Variants in MAPRE2 observed in about 807,000 individuals in gnomAD.
MAPRE2 encodes the protein microtubule associated protein RP/EB family member 2.
A neutral mutation model predicts 43.2 loss-of-function variants in MAPRE2; 13 were observed. The ratio of observed to expected loss-of-function variants is 0.30; its 90% CI spans 0.20 to 0.48. The LOEUF (loss-of-function observed/expected upper bound fraction) is 0.48. MAPRE2 is among the 20% of genes least tolerant of loss of function. The probability of loss-of-function intolerance (pLI) is 0.99; values close to 1 mark genes in which losing one functional copy is unlikely to be tolerated. For missense variants in MAPRE2, 161 were observed against 400.2 expected (o/e 0.40, Z 5.10); for synonymous variants, 135 against 148.8 (o/e 0.91, Z 0.68).
chr18:34,978,661 T>A lies in MAPRE2; in HGVS notation c.-70+1582T>A, dbSNP rs1603385149. On this transcript the variant is annotated intron_variant, in intron 1 of 7. Coordinates refer to the MAPRE2 transcript ENST00000413393. The stretch of plus-strand genomic sequence containing the variant: ...GCCAGTGTCCCCTCTGGAAATGAAA[T>A]GCTTCCTTACTTTGCTTTCGTTCTT... 6.9e-6 allele frequency: 6 copies of A among 866,652 alleles called. No individual in the cohort carries two copies. The East Asian group carries it at 1.6e-4, about 23-fold the overall frequency. 53.7% of individuals were successfully genotyped at this position (866,652 alleles called of 1,614,324 possible). A position where few individuals can be genotyped will look rare whatever the true frequency, so the allele number is the denominator to read the frequency against.
chr18:35,043,721 G>C (rs1905479315), intron 1 of MAPRE2, among the ~76,000 whole-genome samples: 1 of 152,184 alleles, frequency 6.6e-6, no homozygotes, highest in South Asian at 2.1e-4. Context: ...TATAGCGAGA[G>C]GTGTCATAGG....
intron 1 of MAPRE2, among the ~76,000 whole-genome samples, chr18:35,003,363 T>C (rs930887055): frequency 1.3e-5 from 2 of 152,242 alleles, no homozygotes; most frequent in Admixed American, 1.3e-4. Context: ...TCTGCCAGAC[T>C]CAATTAAAAT....
chr18:35,129,675 G>C (rs553976144), intron 5 of MAPRE2, among the ~76,000 whole-genome samples: 1 of 152,326 alleles, frequency 6.6e-6, no homozygotes, highest in African/African-American at 2.4e-5. Flanking sequence ...CGCGGGTGGG[G>C]CCACGGATGG....
At chr18:35,089,216 G>C (rs890226784) in intron 2 of MAPRE2, among the ~76,000 whole-genome samples, 1 of 152,160 alleles carries the variant, frequency 6.6e-6, no homozygotes, top group South Asian at 2.1e-4. Flanking sequence ...CTCAAAGAAC[G>C]TGAGGTATAA....
chr18:35,049,419 C>T (rs927614874), intron 1 of MAPRE2, among the ~76,000 whole-genome samples: 5 of 152,204 alleles, frequency 3.3e-5, no homozygotes, highest in African/African-American at 1.2e-4. Context: ...GGGTTTTACA[C>T]AATTATTGTT....
At chr18:35,042,204 G>C (rs523232) in intron 1 of MAPRE2, among the ~76,000 whole-genome samples, 16,451 of 152,192 alleles carry the variant, frequency 0.11, 1,095 homozygotes, top group African/African-American at 0.19. Context: ...CAGCAGAGGT[G>C]ATAGTGTCAG....
chr18:35,023,176 C>T (rs2097042975), intron 2 of MAPRE2, among the ~76,000 whole-genome samples: 1 of 152,084 alleles, frequency 6.6e-6, no homozygotes, highest in African/African-American at 2.4e-5. Context: ...TCATATTATA[C>T]ATTCTGTTCC....
chr18:35,000,334 A>G (rs1208665051), intron 1 of MAPRE2, among the ~76,000 whole-genome samples: 15 of 152,250 alleles, frequency 9.9e-5, no homozygotes, highest in Non-Finnish European at 8.8e-5. Flanking sequence ...GGTTAAACAC[A>G]TAGCAATGAA....
chr18:35,072,102 A>G (rs141156556), intron 2 of MAPRE2, among the ~76,000 whole-genome samples: 2 of 152,364 alleles, frequency 1.3e-5, no homozygotes, highest in East Asian at 1.9e-4. Flanking sequence ...TCAGATCTCT[A>G]CATACCCAAA....
chr18:35,062,300 C>T (rs764379311), intron 1 of MAPRE2, among the ~76,000 whole-genome samples: 17 of 152,138 alleles, frequency 1.1e-4, no homozygotes, highest in Non-Finnish European at 1.5e-4. Context: ...CATGAATGTA[C>T]AATTTGCAGG....
intron 1 of MAPRE2, among the ~76,000 whole-genome samples, chr18:35,058,408 A>G (rs1046341786): frequency 6.6e-6 from 1 of 151,138 alleles, no homozygotes. Flanking sequence ...AGGCTTGTCT[A>G]TTTTTTTTTA....
chr18:35,140,269 A>C (rs1178019312), intron 6 of MAPRE2, 26 bp from the exon 7 acceptor site: 1 of 1,606,248 alleles, frequency 6.2e-7, no homozygotes. Context: ...CAATTATCTC[A>C]GCTGAAACTT....
At chr18:35,118,240 C>T (rs1020376458) in intron 4 of MAPRE2, among the ~76,000 whole-genome samples, 26 of 152,212 alleles carry the variant, frequency 1.7e-4, no homozygotes, top group Admixed American at 1.3e-3. Context: ...ACCTGCAGCG[C>T]GCCTCACTCG....
At chr18:35,050,277 T>G (rs1364058352) in intron 1 of MAPRE2, among the ~76,000 whole-genome samples, 1 of 152,210 alleles carries the variant, frequency 6.6e-6, no homozygotes, top group East Asian at 1.9e-4. Flanking sequence ...GTTTACATGT[T>G]GAAATATGTT....
chr18:34,993,551 T>TCTTGTGAGTATAGAAAGAC (rs2097024885), intron 1 of MAPRE2, among the ~76,000 whole-genome samples: 1 of 152,168 alleles, frequency 6.6e-6, no homozygotes, highest in Admixed American at 6.5e-5. Context: ...TGTAGTTGAG[T>TCTTGTGAGTATAGAAAGAC]CATGCTTGTG....
intron 1 of MAPRE2, among the ~76,000 whole-genome samples, chr18:35,069,911 C>T (rs886461128): frequency 1.3e-5 from 2 of 152,156 alleles, no homozygotes; most frequent in Non-Finnish European, 2.9e-5. Context: ...CGTAGACTTA[C>T]AGTCAAAAGG....
At chr18:34,987,316 G>GT (rs1403525827) in intron 1 of MAPRE2, among the ~76,000 whole-genome samples, 2 of 152,132 alleles carry the variant, frequency 1.3e-5, no homozygotes, top group Admixed American at 1.3e-4. Flanking sequence ...ACCTAGATGA[G>GT]GCATCAGCAT....
At chr18:35,071,866 G>GCGTT (rs1907132429) in intron 2 of MAPRE2, among the ~76,000 whole-genome samples, 1 of 152,172 alleles carries the variant, frequency 6.6e-6, no homozygotes. Context: ...CAGAACTTAG[G>GCGTT]CGTTGCCTCA....
chr18:35,086,877 T>C (rs1907905999), intron 2 of MAPRE2, among the ~76,000 whole-genome samples: 1 of 152,164 alleles, frequency 6.6e-6, no homozygotes, highest in Admixed American at 6.5e-5. Context: ...TACCCAAATG[T>C]GGGTGTTTTT....
Sources: gnomAD v4.1 joint callset for allele counts (sites outside exome capture counted in the v4.1 genomes callset) on GRCh38, gnomAD v4.1.1 for gene constraint, MANE v1.5 for transcripts, NCBI Gene and HGNC (gene_info 2026-07-23, HGNC 2026-07-21) for gene names.